Variants in CNTN4 observed in about 807,000 individuals in gnomAD.
CNTN4 encodes the protein contactin-4.
A neutral mutation model predicts 122.5 loss-of-function variants in CNTN4; 77 were observed. The observed-to-expected ratio is 0.63, with a 90% CI of 0.52 to 0.76. The LOEUF is 0.76. Ranked by LOEUF, CNTN4 falls within the 30% of genes least tolerant of loss-of-function variation. The probability of loss-of-function intolerance (pLI) is 0.00; values close to 1 mark genes in which losing one functional copy is unlikely to be tolerated. For missense variants in CNTN4, 1,256 were observed against 1,259.1 expected, an observed-to-expected ratio of 1.00 and a Z score of 0.04; for synonymous variants, 512 against 447.0, an observed-to-expected ratio of 1.15 and a Z score of -1.83.
rs1330170495 is a variant in CNTN4 at position 2,709,030 on chromosome 3, T to C, written c.56-27185T>C. On this transcript the variant is annotated intron_variant, in intron 4 of 24. Transcript: ENST00000418658. This position sits in a 1 kb window ranked among gnomAD's most constrained non-coding sequence, Gnocchi z 5.0. ...CTACTTGGATCTTCAGAATACATGA[T>C]ATATCTCTTCTCAGATATCTCATAG... Among the ~76,000 whole-genome samples the C allele has an allele frequency of 6.6e-6, 1 of 152,184 alleles. No homozygotes were observed. The highest frequency in any genetic ancestry group is 6.5e-5 in the Admixed American group (1 of 15,270).
At chr3:2,485,690 C>T (rs1035744752) in intron 3 of CNTN4, among the ~76,000 whole-genome samples, 3 of 152,158 alleles carry the variant, frequency 2.0e-5, no homozygotes, top group African/African-American at 7.2e-5. Flanking sequence ...CTCTGTCTAG[C>T]TCAAGGTTTG....
At chr3:2,445,013 AT>A (rs1415750547) in intron 3 of CNTN4, among the ~76,000 whole-genome samples, 5 of 151,720 alleles carry the variant, frequency 3.3e-5, no homozygotes, top group African/African-American at 7.3e-5. Flanking sequence ...AAAAAAAAAA[AT>A]CTATCTCTCT....
At chr3:2,565,233 C>G (rs2149451698) in intron 3 of CNTN4, among the ~76,000 whole-genome samples, 1 of 152,254 alleles carries the variant, frequency 6.6e-6, no homozygotes. Flanking sequence ...GTCTTCCCCT[C>G]TTTTGCACTG....
intron 6 of CNTN4, among the ~76,000 whole-genome samples, chr3:2,784,121 G>A (rs1221953909): frequency 6.6e-6 from 1 of 152,096 alleles, no homozygotes; most frequent in East Asian, 1.9e-4. Flanking sequence ...TAGAAAATTG[G>A]GATAATAGCA....
intron 3 of CNTN4, among the ~76,000 whole-genome samples, chr3:2,510,048 T>A (rs2076839027): frequency 6.6e-6 from 1 of 152,132 alleles, no homozygotes; most frequent in African/African-American, 2.4e-5. Flanking sequence ...ACATTTAAAA[T>A]TTACTCACAC....
At chr3:2,602,414 T>A (rs1362697302) in intron 4 of CNTN4, among the ~76,000 whole-genome samples, 1 of 152,210 alleles carries the variant, frequency 6.6e-6, no homozygotes. Flanking sequence ...ACAACATGAA[T>A]GTGCAAAAAT....
At chr3:2,415,494 C>G (rs1306409811) in intron 3 of CNTN4, among the ~76,000 whole-genome samples, 1 of 152,108 alleles carries the variant, frequency 6.6e-6, no homozygotes, top group African/African-American at 2.4e-5. Flanking sequence ...AAAGTCATAA[C>G]ATTTCCAGGG....
intron 3 of CNTN4, among the ~76,000 whole-genome samples, chr3:2,548,628 A>G (rs1015703566): frequency 5.9e-5 from 9 of 151,634 alleles, no homozygotes; most frequent in Admixed American, 1.3e-4. Flanking sequence ...AGCTTTGTTC[A>G]TTTTGCTTAG....
At position 2,928,738 on chromosome 3, in the gene CNTN4, G is replaced by C. The variant is rs2094494863; in HGVS notation, c.1358+2959G>C. Among the ~76,000 whole-genome samples, 3 of 152,268 alleles carry C rather than the reference G, an allele frequency of 2.0e-5. No homozygotes were observed. The South Asian group carries it at 6.2e-4, about 32-fold the overall frequency. ...TCTGCCTAGATTCTGTGTTTTGAAA[G>C]ACTTTGCTAAACTCTTACTTATTGA... On this transcript the variant is annotated intron_variant, in intron 13 of 24. Coordinates refer to ENST00000418658, the MANE Select transcript of CNTN4 (RefSeq NM_175607.3).
At chr3:3,024,086 A>C (rs1455405726) in intron 14 of CNTN4, among the ~76,000 whole-genome samples, 1 of 152,206 alleles carries the variant, frequency 6.6e-6, no homozygotes, top group Non-Finnish European at 1.5e-5. Flanking sequence ...AGCCTCTGTT[A>C]TATGTGTTAT....
intron 13 of CNTN4, among the ~76,000 whole-genome samples, chr3:2,933,005 G>A (rs1017478580): frequency 3.3e-5 from 5 of 151,980 alleles, no homozygotes; most frequent in Non-Finnish European, 5.9e-5. Context: ...TGTATTTTTA[G>A]TAGAGACGAA....
intron 3 of CNTN4, among the ~76,000 whole-genome samples, chr3:2,471,475 AT>A (rs907973471): frequency 5.9e-5 from 9 of 152,148 alleles, no homozygotes; most frequent in African/African-American, 1.4e-4. Context: ...TAATGGAATA[AT>A]TTTTTTTCCT....
chr3:3,034,886 A>T, intron 17 of CNTN4, 96 bp downstream of exon 17: 1 of 1,246,158 alleles, frequency 8.0e-7, no homozygotes, highest in Non-Finnish European at 1.2e-6. Context: ...TTCAGACACT[A>T]CTACAAATGA....
chr3:2,324,712 G>A (rs947712947), intron 2 of CNTN4, among the ~76,000 whole-genome samples: 1 of 152,048 alleles, frequency 6.6e-6, no homozygotes, highest in Admixed American at 6.6e-5. Context: ...ATTAAAATGA[G>A]AAAAACATTT....
intron 3 of CNTN4, among the ~76,000 whole-genome samples, chr3:2,420,638 G>C (rs532222978): frequency 6.6e-6 from 1 of 152,092 alleles, no homozygotes; most frequent in East Asian, 1.9e-4. Context: ...GATTCACCAT[G>C]TTGGCCAGAC....
At chr3:2,888,499 C>G (rs1040059262) in intron 10 of CNTN4, among the ~76,000 whole-genome samples, 1 of 152,076 alleles carries the variant, frequency 6.6e-6, no homozygotes, top group Non-Finnish European at 1.5e-5. Context: ...CTCTGGTCTA[C>G]CTTTTGACAT....
chr3:2,713,689 A>G lies in CNTN4; in HGVS notation c.56-22526A>G, dbSNP rs141878528. On this transcript the variant is annotated intron_variant, in intron 4 of 24. Coordinates refer to ENST00000418658, the MANE Select transcript of CNTN4 (RefSeq NM_175607.3). ...GTTTGCTGAAGTGACAATATGCCAT[A>G]TTTTGGGGTAGCGTGTCCTGAACCT... 2.6e-4 allele frequency among the ~76,000 whole-genome samples: 39 copies of G among 152,312 alleles called. 3 individuals carry two copies. In the East Asian group the frequency reaches 7.5e-3, roughly 29 times the overall value.
At chr3:3,054,816 T>A (rs943774378) in intron 24 of CNTN4, among the ~76,000 whole-genome samples, 1 of 152,150 alleles carries the variant, frequency 6.6e-6, no homozygotes, top group Non-Finnish European at 1.5e-5. Context: ...ATTTGTACAT[T>A]TTAAATGAGT....
intron 14 of CNTN4, among the ~76,000 whole-genome samples, chr3:3,004,765 G>C (rs1278906763): frequency 1.3e-5 from 2 of 152,328 alleles, no homozygotes; most frequent in African/African-American, 2.4e-5. Context: ...GAGAACCCCA[G>C]TGTCTGGCCA....
Sources: gnomAD v4.1 joint callset for allele counts (sites outside exome capture counted in the v4.1 genomes callset) on GRCh38, gnomAD v4.1.1 for gene constraint, Gnocchi (gnomAD v3.1) non-coding constraint, MANE v1.5 for transcripts, NCBI Gene and HGNC (gene_info 2026-07-23, HGNC 2026-07-21) for gene names.